The following CDH13 variants were observed in gnomAD, a reference collection of about 807,000 sequenced individuals.
The protein encoded by CDH13 is cadherin-13.
A neutral mutation model predicts 63.8 loss-of-function variants in CDH13; 24 were observed. The ratio of observed to expected loss-of-function variants is 0.38; its 90% confidence interval spans 0.27 to 0.53. CDH13 has a LOEUF of 0.53. CDH13 is among the 20% of genes least tolerant of loss of function. The pLI is 0.85. For missense variants in CDH13, 1,049 were observed against 903.1 expected (o/e 1.16, Z -2.07); for synonymous variants, 503 against 355.3 (o/e 1.42, Z -4.67).
At chr16:83,247,676 A>G (rs1905104485) in intron 5 of CDH13, among the ~76,000 whole-genome samples, 1 of 152,192 alleles carries the variant, frequency 6.6e-6, no homozygotes, top group South Asian at 2.1e-4. Flanking sequence ...ATCATTTTTC[A>G]CTGTTTTAAT....
chr16:83,382,050 A>G (rs1025738450), intron 6 of CDH13, among the ~76,000 whole-genome samples: 3 of 152,166 alleles, frequency 2.0e-5, no homozygotes, highest in Admixed American at 6.5e-5. Context: ...CCATAATCCA[A>G]TGTGAATGGG....
intron 10 of CDH13, among the ~76,000 whole-genome samples, chr16:83,739,361 G>A (rs1392848328): frequency 6.6e-6 from 1 of 152,180 alleles, no homozygotes. Flanking sequence ...CGTCCGGTGT[G>A]ACCCCACTGG....
intron 6 of CDH13, among the ~76,000 whole-genome samples, chr16:83,450,669 G>T (rs191654196): frequency 1.3e-5 from 2 of 152,260 alleles, no homozygotes; most frequent in East Asian, 3.9e-4. Flanking sequence ...AGGAGATCGA[G>T]GCCATCCTGG....
chr16:82,815,098 G>T (rs1555523020), intron 1 of CDH13, among the ~76,000 whole-genome samples: 1 of 151,920 alleles, frequency 6.6e-6, no homozygotes, highest in Non-Finnish European at 1.5e-5. Flanking sequence ...TATACCGTAG[G>T]CTCAGCTGAA....
intron 1 of CDH13, chr16:82,704,950 T>C (rs1379906414): frequency 2.9e-6 from 1 of 350,422 alleles, no homozygotes; most frequent in African/African-American, 2.1e-5. Flanking sequence ...GACAGACACC[T>C]AAGGCAGACT....
At position 83,475,675 on chromosome 16, in the gene CDH13, G is replaced by A. The variant is rs185541961; in HGVS notation, c.782-10802G>A. 1.3e-4 allele frequency among the ~76,000 whole-genome samples: 19 copies of A among 151,688 alleles called. No homozygotes were observed. The East Asian group carries it at 1.6e-3, about 12-fold the overall frequency. On this transcript the variant is annotated intron_variant, in intron 6 of 13. Coordinates refer to ENST00000567109, the MANE Select transcript of CDH13 (RefSeq NM_001257.5). ...CGGCTCCCTGCAGCCTTCGCCTCTCGTGTTCAAGCAGTTCTCACACCTCAG... is the reference window on the plus strand; with the variant it reads ...CGGCTCCCTGCAGCCTTCGCCTCTCATGTTCAAGCAGTTCTCACACCTCAG...
intron 4 of CDH13, among the ~76,000 whole-genome samples, chr16:83,176,215 G>A (rs2038116713): frequency 6.7e-6 from 1 of 149,630 alleles, no homozygotes; most frequent in South Asian, 2.2e-4. Context: ...GTAAAACGTT[G>A]TACTTAAAGA....
At chr16:83,511,910 C>A (rs901784959) in intron 7 of CDH13, among the ~76,000 whole-genome samples, 1 of 152,128 alleles carries the variant, frequency 6.6e-6, no homozygotes, top group Non-Finnish European at 1.5e-5. Context: ...CTCATACCCT[C>A]GAAAGGGGCT....
chr16:82,923,377 C>G (rs1017923840), intron 2 of CDH13, among the ~76,000 whole-genome samples: 8 of 152,190 alleles, frequency 5.3e-5, no homozygotes, highest in African/African-American at 1.7e-4. Context: ...AGTACATAAG[C>G]ATATTTACTG....
chr16:83,736,743 A>G (rs1399107831), intron 10 of CDH13, among the ~76,000 whole-genome samples: 1 of 152,240 alleles, frequency 6.6e-6, no homozygotes, highest in Non-Finnish European at 1.5e-5. Flanking sequence ...CTGACTAGGA[A>G]GAGCCCGGCC....
chr16:83,427,277 T>C (rs2071939908), intron 6 of CDH13, among the ~76,000 whole-genome samples: 1 of 150,992 alleles, frequency 6.6e-6, no homozygotes, highest in Non-Finnish European at 1.5e-5. Flanking sequence ...GATCTTGAGA[T>C]GGAGACAGTG....
At chr16:83,007,042 A>T (rs555156109) in intron 2 of CDH13, among the ~76,000 whole-genome samples, 2 of 151,688 alleles carry the variant, frequency 1.3e-5, no homozygotes, top group African/African-American at 2.4e-5. Flanking sequence ...TCCTGCCTCA[A>T]CTTCCCAAGT....
chr16:83,665,799 C>G (rs1467878698), intron 8 of CDH13, among the ~76,000 whole-genome samples: 1 of 152,216 alleles, frequency 6.6e-6, no homozygotes, highest in African/African-American at 2.4e-5. Flanking sequence ...ATCATTATTT[C>G]CATCTTCCAT....
intron 7 of CDH13, among the ~76,000 whole-genome samples, chr16:83,540,746 G>T (rs1049104763): frequency 6.6e-6 from 1 of 152,088 alleles, no homozygotes; most frequent in African/African-American, 2.4e-5. Flanking sequence ...TAGTAATTGC[G>T]GCAGTCAGCC....
At chr16:83,115,880 A>G (rs1157206721) in intron 3 of CDH13, among the ~76,000 whole-genome samples, 2 of 152,204 alleles carry the variant, frequency 1.3e-5, no homozygotes, top group Non-Finnish European at 2.9e-5. Context: ...GGGCAGAAAG[A>G]GGGAATGAGG....
chr16:82,908,222 T>G (rs1284621676), intron 2 of CDH13, among the ~76,000 whole-genome samples: 2 of 152,080 alleles, frequency 1.3e-5, no homozygotes, highest in Non-Finnish European at 2.9e-5. Context: ...TATTGTCCCA[T>G]GAATACAAAA....
chr16:82,818,937 C>T (rs2037862923), intron 1 of CDH13, among the ~76,000 whole-genome samples: 1 of 152,168 alleles, frequency 6.6e-6, no homozygotes, highest in African/African-American at 2.4e-5. Context: ...GAACTTGCTC[C>T]CCTCTGAGTG....
intron 4 of CDH13, among the ~76,000 whole-genome samples, chr16:83,201,310 C>T (rs942387143): frequency 2.0e-5 from 3 of 152,012 alleles, no homozygotes; most frequent in African/African-American, 7.3e-5. Flanking sequence ...ATAGAGACAA[C>T]AGATATAAAT....
intron 1 of CDH13, among the ~76,000 whole-genome samples, chr16:82,653,048 A>T (rs1910910619): frequency 6.6e-6 from 1 of 152,232 alleles, no homozygotes; most frequent in Admixed American, 6.5e-5. Flanking sequence ...TCAGAAGGGT[A>T]AACAGACAAG....
Sources: gnomAD v4.1 joint callset for allele counts (sites outside exome capture counted in the v4.1 genomes callset) on GRCh38, gnomAD v4.1.1 for gene constraint, MANE v1.5 for transcripts, NCBI Gene and HGNC (gene_info 2026-07-23, HGNC 2026-07-21) for gene names.